The following PPL variants were observed in gnomAD, a reference collection of about 807,000 sequenced individuals.
PPL encodes the protein 190 kDa paraneoplastic pemphigus antigen.
In PPL, 198 loss-of-function variants were observed where a neutral mutation model predicts 194.4. The observed-to-expected ratio is 1.02, with a 90% CI of 0.91 to 1.15. The LOEUF (loss-of-function observed/expected upper bound fraction) is 1.15, where lower values mean the gene tolerates loss of function less well. Among genes scored for constraint, PPL ranks in the 50% most tolerant of loss-of-function variants. PPL has a pLI of 0.00. For missense variants in PPL, 2,885 were observed against 2,294.8 expected (o/e 1.26, Z -5.25); for synonymous variants, 1,220 against 972.4 (o/e 1.25, Z -4.74).
intron 6 of PPL, 36 bp from the exon 7 acceptor site, chr16:4,899,420 C>G (rs906541999): frequency 5.1e-6 from 8 of 1,570,382 alleles, no homozygotes; most frequent in Non-Finnish European, 6.9e-6. Flanking sequence ...GCTGCGTCCT[C>G]AGCCCGCTGC....
At chr16:4,900,573 G>A (rs892897062) in intron 6 of PPL, among the ~76,000 whole-genome samples, 8 of 150,812 alleles carry the variant, frequency 5.3e-5, no homozygotes, top group African/African-American at 1.7e-4. Context: ...CCAAGTAGCT[G>A]GGACCACAGG....
At position 4,885,446 on chromosome 16, in the gene PPL, T is replaced by C. The variant is rs1317070746; in HGVS notation, c.3209A>G (p.Tyr1070Cys). 5 of 1,612,264 alleles carry C rather than the reference T, an allele frequency of 3.1e-6. No homozygotes were observed. Among genetic ancestry groups the C allele is most frequent in the Non-Finnish European group, 4.2e-6 (5 of 1,179,918 alleles). Residue 1070 changes from tyrosine (Y) to cysteine (C), a missense_variant, in exon 22 of 22, where the codon TAC (tyrosine) becomes TGC (cysteine). Coordinates refer to ENST00000345988, the MANE Select transcript of PPL (RefSeq NM_002705.5). This position sits in a 1 kb window ranked among gnomAD's most constrained non-coding sequence, Gnocchi z 6.3. ...CTGGTGGTCCTCCTGCAGCTGCTGG[T>C]ACTCTGCCTCCAGCTGGGGGTCATT... The part of the protein sequence containing the change: ...LQNDPQLEAE[Y>C]QQLQEDHQRQ...
At chr16:4,921,493 G>C (rs1279688809) in intron 1 of PPL, among the ~76,000 whole-genome samples, 4 of 152,104 alleles carry the variant, frequency 2.6e-5, no homozygotes, top group African/African-American at 9.7e-5. Flanking sequence ...TTGAGACTGA[G>C]TCTCACTCTG....
intron 3 of PPL, 131 bp downstream of exon 3, chr16:4,903,746 GTGAAGCCTT>G (rs1309325108): frequency 2.2e-6 from 2 of 917,210 alleles, no homozygotes; most frequent in Non-Finnish European, 3.3e-6. Flanking sequence ...AAAGGATCAT[GTGAAGCCTT>G]TGGCACGTGC....
rs754040666 is a variant in PPL, at chr16:4,897,713, C to T, written c.934G>A (p.Glu312Lys). ...WKEYLNLLIC[E>K]ESHLKYMEDY... ...TCCATGTACTTGAGGTGGCTCTCCTCGCAGATGAGCAGGTTCAGGTACTCC... is the reference window on the plus strand; with the variant it reads ...TCCATGTACTTGAGGTGGCTCTCCTTGCAGATGAGCAGGTTCAGGTACTCC... Residue 312 changes from glutamate (E) to lysine (K), a missense_variant, in exon 9 of 22, where the codon GAG becomes AAG. Transcript: ENST00000345988. The T allele has an allele frequency of 1.1e-5, 17 of 1,613,808 alleles. No individual in the cohort carries two copies. The Admixed American group carries it at 1.3e-4, about 13-fold the overall frequency.
Position 4,899,034 on chromosome 16 carries a change from G to C in PPL, c.855C>G (p.His285Gln), listed in dbSNP as rs138657187. Residue 285 changes from histidine (H) to glutamine (Q), a missense_variant, in exon 8 of 22, where the codon CAC (histidine) becomes CAG (glutamine). Physicochemically the swap from His to Gln is conservative, Grantham distance 24. Coordinates refer to ENST00000345988, the MANE Select transcript of PPL (RefSeq NM_002705.5). ...GAACCTCAATGGAGTTCCTCCCGGG[G>C]TGCTCGGCCGCCAGCAGCTGGTCGC... ...SEGDQLLAAE[H>Q]PGRNSIEAHM... 1.2e-6 allele frequency: 2 copies of C among 1,612,788 alleles called. No individual in the cohort carries two copies. Among genetic ancestry groups the C allele is most frequent in the Non-Finnish European group, 1.7e-6 (2 of 1,179,444 alleles).
chr16:4,894,631 G>A lies in PPL; in HGVS notation c.1243-13C>T. 1 of 1,610,928 alleles carries A rather than the reference G, an allele frequency of 6.2e-7. No individual in the cohort carries two copies. The highest frequency in any genetic ancestry group is 1.1e-5 in the South Asian group (1 of 91,052). On this transcript the variant is annotated splice_polypyrimidine_tract_variant and intron_variant, in intron 11 of 21. Coordinates refer to ENST00000345988, the MANE Select transcript of PPL (RefSeq NM_002705.5). ...GCGAGATCAGGCCCTGGCGGGGGCA[G>A]GCTGGACAGTCAGGATCCCGGCAGG... is the stretch of plus-strand genomic sequence containing the variant.
At position 4,883,761 on chromosome 16, in the gene PPL, C is replaced by G. The variant is rs370359256; in HGVS notation, c.4894G>C (p.Glu1632Gln). ...AGGCGCTTCTGCAGCTCGTCGATCTCGAGGTCTTTGTCCTTGGAGAGCCTC... is the reference window on the plus strand; with the variant it reads ...AGGCGCTTCTGCAGCTCGTCGATCTGGAGGTCTTTGTCCTTGGAGAGCCTC... ...LKRLSKDKDLEIDELQKRLGS... is the reference protein window; with the variant it reads ...LKRLSKDKDLQIDELQKRLGS... Residue 1632 changes from glutamate to glutamine, a missense_variant, in exon 22 of 22, where the codon GAG becomes CAG. Physicochemically the swap from Glu to Gln is conservative, Grantham distance 29. Transcript: ENST00000345988. This position sits in a 1 kb window ranked among gnomAD's most constrained non-coding sequence, Gnocchi z 4.8. 6.2e-7 allele frequency: 1 copy of G among 1,614,090 alleles called. No individual in the cohort carries two copies. The highest frequency in any genetic ancestry group is 8.5e-7 in the Non-Finnish European group (1 of 1,180,012).
intron 4 of PPL, among the ~76,000 whole-genome samples, chr16:4,901,925 G>A (rs1235550049): frequency 6.7e-6 from 1 of 148,712 alleles, no homozygotes; most frequent in Non-Finnish European, 1.5e-5. Flanking sequence ...GCGCGACAGA[G>A]TGAGACCTTG....
chr16:4,891,660 G>A (rs2088321470), intron 16 of PPL, 151 bp downstream of exon 16: 2 of 914,096 alleles, frequency 2.2e-6, no homozygotes, highest in African/African-American at 3.3e-5. Context: ...GATTTGTGCT[G>A]TGGGCCTCCA....
chr16:4,893,170 C>T (rs1221136921), intron 14 of PPL, 43 bp downstream of exon 14: 7 of 1,484,198 alleles, frequency 4.7e-6, no homozygotes, highest in Middle Eastern at 4.8e-4. Flanking sequence ...GGGGCCAGTG[C>T]AGGGCTCCCC....
At chr16:4,909,729 C>G (rs1035404516) in intron 2 of PPL, among the ~76,000 whole-genome samples, 4 of 152,100 alleles carry the variant, frequency 2.6e-5, no homozygotes, top group Admixed American at 2.6e-4. Flanking sequence ...ACGCACCTGG[C>G]CTGGTCCCAC....
At chr16:4,935,302 G>T (rs1264195528) in intron 1 of PPL, among the ~76,000 whole-genome samples, 1 of 152,170 alleles carries the variant, frequency 6.6e-6, no homozygotes, top group Non-Finnish European at 1.5e-5. Flanking sequence ...GCACGAAGGA[G>T]GGAGGCTGGG....
Position 4,885,665 on chromosome 16 carries a change from A to G in PPL, c.2990T>C (p.Val997Ala), listed in dbSNP as rs1434775778. The G allele has an allele frequency of 6.2e-7, 1 of 1,610,626 alleles. No individual in the cohort carries two copies. Among genetic ancestry groups the G allele is most frequent in the South Asian group, 1.1e-5 (1 of 90,908 alleles). Reference sequence around the variant, plus strand: ...GGCCCTGTCAGGCTCGATGCGCAGGACCTCCTTGACCACGTACTCCTGCCC... The same window carrying G: ...GGCCCTGTCAGGCTCGATGCGCAGGGCCTCCTTGACCACGTACTCCTGCCC... ...DGGQEYVVKE[V>A]LRIEPDRAQA... The change falls in exon 22 of 22, where the codon GTC (valine) becomes GCC (alanine). Residue 997 changes from valine (V) to alanine (A), a missense_variant. Val to Ala is a moderately conservative substitution (Grantham distance 64). Transcript: ENST00000345988. The surrounding 1 kb of genome is among the most constrained non-coding windows in gnomAD (Gnocchi z 6.3).
At chr16:4,887,319 A>C in intron 20 of PPL, 92 bp from the exon 21 acceptor site, 1 of 976,670 alleles carries the variant, frequency 1.0e-6, no homozygotes, top group Non-Finnish European at 1.6e-6. Context: ...GGTTCTTGAG[A>C]AGTGTGGAAT....
chr16:4,885,595 C>T lies in PPL; in HGVS notation c.3060G>A (p.Leu1020=), dbSNP rs748363244. 1.2e-6 allele frequency: 2 copies of T among 1,612,614 alleles called. No individual in the cohort carries two copies. The highest frequency in any genetic ancestry group is 1.1e-5 in the South Asian group (1 of 91,058). The change falls in exon 22 of 22, where the codon CTG becomes CTA. Residue 1020 remains leucine, a synonymous_variant. Transcript: ENST00000345988. The surrounding 1 kb of genome is among the most constrained non-coding windows in gnomAD (Gnocchi z 6.3). The part of the protein sequence containing the change: ...VLQLREELEA[L]RRQKGAREAE... ...CCTCCCGGGCGCCCTTCTGCCGCCTCAGTGCCTCCAGCTCCTCCCGCAGCT... is the reference window on the plus strand; with the variant it reads ...CCTCCCGGGCGCCCTTCTGCCGCCTTAGTGCCTCCAGCTCCTCCCGCAGCT...
rs1472054070 is a variant in PPL at position 4,885,401 on chromosome 16, T to C, written c.3254A>G (p.Glu1085Gly). The C allele has an allele frequency of 6.2e-7, 1 of 1,612,738 alleles. No individual in the cohort carries two copies. Among genetic ancestry groups the C allele is most frequent in the African/African-American group, 1.3e-5 (1 of 74,860 alleles). Residue 1085 changes from glutamate (E) to glycine (G), a missense_variant, in exon 22 of 22, where the codon GAG (glutamate) becomes GGG (glycine). Physicochemically the swap from Glu to Gly is moderately conservative, Grantham distance 98 (BLOSUM62 -2). Transcript: ENST00000345988. The surrounding 1 kb of genome is among the most constrained non-coding windows in gnomAD (Gnocchi z 6.3). ...EDHQRQDQLR[E>G]KQEEELSFLQ... is the part of the protein sequence containing the mutation. ...GAAGCTCAGCTCCTCCTCCTGCTTC[T>C]CCCTGAGCTGGTCCTGGCGCTGGTG... is the stretch of plus-strand genomic sequence containing the variant.
chr16:4,899,130 G>A lies in PPL; in HGVS notation c.769-10C>T, dbSNP rs1373252978. 2 of 1,613,568 alleles carry A rather than the reference G, an allele frequency of 1.2e-6. No individual in the cohort carries two copies. Among genetic ancestry groups the A allele is most frequent in the Admixed American group, 1.7e-5 (1 of 60,030 alleles). ...TCCGGTTGATGAAATTCTGCAGTGG[G>A]GGGCAGTGGAGGGGCCTCAGTGCCC... On this transcript the variant is annotated splice_polypyrimidine_tract_variant and intron_variant, in intron 7 of 21. Coordinates refer to ENST00000345988, the MANE Select transcript of PPL (RefSeq NM_002705.5).
chr16:4,895,913 C>A (rs1162417606), intron 9 of PPL, among the ~76,000 whole-genome samples, 197 bp from the exon 10 acceptor site: 1 of 152,186 alleles, frequency 6.6e-6, no homozygotes. Flanking sequence ...CCTTAGGGGC[C>A]TCACTGGGAA....
Sources: gnomAD v4.1 joint callset for allele counts (sites outside exome capture counted in the v4.1 genomes callset) on GRCh38, gnomAD v4.1.1 for gene constraint, Gnocchi (gnomAD v3.1) non-coding constraint, MANE v1.5 for transcripts, NCBI Gene and HGNC (gene_info 2026-07-23, HGNC 2026-07-21) for gene names.